Variants in CARF observed in about 807,000 individuals in gnomAD.
CARF encodes calcium responsive transcription factor, also known as calcium-responsive transcription factor.
In CARF, 57 loss-of-function variants were observed where a neutral mutation model predicts 82.0. That is an observed-to-expected ratio of 0.70 (90% CI 0.56 to 0.87). The LOEUF (loss-of-function observed/expected upper bound fraction) is 0.87, where lower values mean the gene tolerates loss of function less well. CARF is among the 40% of genes least tolerant of loss of function. The pLI is 0.00. For synonymous variants in CARF, 268 were observed against 290.1 expected (o/e 0.92, Z 0.77); for missense variants, 771 against 855.8 (o/e 0.90, Z 1.24).
At chr2:202,930,265 CT>C (rs1202729082) in intron 3 of CARF, among the ~76,000 whole-genome samples, 16 of 152,320 alleles carry the variant, frequency 1.1e-4, no homozygotes, top group African/African-American at 3.8e-4. Flanking sequence ...CCAGGCCTGT[CT>C]CAACTCCTGA....
chr2:202,924,994 C>T, intron 3 of CARF: 1 of 379,502 alleles, frequency 2.6e-6, no homozygotes, highest in Non-Finnish European at 5.1e-6. Flanking sequence ...GAACAAGATA[C>T]TGGAGACCAA....
chr2:202,927,754 C>T (rs1692126492), intron 3 of CARF, among the ~76,000 whole-genome samples: 3 of 151,302 alleles, frequency 2.0e-5, no homozygotes, highest in Non-Finnish European at 4.4e-5. Flanking sequence ...TATAGTCACC[C>T]TATAGTGCTA....
chr2:202,936,497 G>T, intron 3 of CARF, among the ~76,000 whole-genome samples: 1 of 151,998 alleles, frequency 6.6e-6, no homozygotes, highest in Non-Finnish European at 1.5e-5. Flanking sequence ...ACCTATTTTG[G>T]ATATTTTATG....
intron 14 of CARF, among the ~76,000 whole-genome samples, chr2:202,978,821 G>C (rs1381834181): frequency 6.6e-6 from 1 of 152,186 alleles, no homozygotes; most frequent in Non-Finnish European, 1.5e-5. Flanking sequence ...TATAGACCTA[G>C]GACTGTAAGC....
intron 3 of CARF, among the ~76,000 whole-genome samples, chr2:202,941,544 G>A (rs1036529810): frequency 6.6e-6 from 1 of 152,054 alleles, no homozygotes; most frequent in African/African-American, 2.4e-5. Context: ...CTGGTAATAT[G>A]AGAATTTTAG....
chr2:202,914,858 G>T (rs1452058296), intron 1 of CARF, among the ~76,000 whole-genome samples: 1 of 151,614 alleles, frequency 6.6e-6, no homozygotes, highest in African/African-American at 2.4e-5. Context: ...GAAATGGATT[G>T]CAGGGAAGCT....
intron 1 of CARF, among the ~76,000 whole-genome samples, chr2:202,916,259 C>A (rs1162025017): frequency 6.6e-6 from 1 of 152,066 alleles, no homozygotes; most frequent in South Asian, 2.1e-4. Flanking sequence ...TGGCTCCCTG[C>A]GACCTGTGCT....
chr2:202,982,145 C>T lies in CARF; in HGVS notation c.1763C>T (p.Ser588Phe). 2.5e-6 allele frequency: 4 copies of T among 1,614,126 alleles called. No individual in the cohort carries two copies. The highest frequency in any genetic ancestry group is 3.4e-6 in the Non-Finnish European group (4 of 1,179,992). Residue 588 changes from serine (S) to phenylalanine (F), a missense_variant, in exon 16 of 17, where the codon TCC becomes TTC. Transcript: ENST00000438828. ...GTGGTATCAGTAAATAACCAGCCGT[C>T]CTCTAGTCCTTCAGGACTTCTGGAT... ...PAVVSVNNQP[S>F]SSPSGLLDTI...
At chr2:202,952,531 T>A in intron 5 of CARF, 28 bp from the exon 6 acceptor site, 2 of 1,607,714 alleles carry the variant, frequency 1.2e-6, no homozygotes, top group East Asian at 2.2e-5. Context: ...GCATATGCAT[T>A]TGATTTTTTT....
In CARF at chr2:202,955,660, C is replaced by T. The variant is rs1334608213; in HGVS notation, c.558-14C>T. On this transcript the variant is annotated splice_polypyrimidine_tract_variant and intron_variant, in intron 7 of 16. Coordinates refer to ENST00000438828, the MANE Select transcript of CARF (RefSeq NM_024744.17). ...TTGAACTGCATATTTATATATATTC[C>T]TCTCCTATCCCAGAATGCTGGAAGA... 2 of 1,587,364 alleles carry T rather than the reference C, an allele frequency of 1.3e-6. No homozygotes were observed. Among genetic ancestry groups the T allele is most frequent in the East Asian group, 2.3e-5 (1 of 44,302 alleles).
chr2:202,987,225 A>G lies in CARF; in HGVS notation c.*3601A>G, dbSNP rs1006680731. On this transcript the variant is annotated 3_prime_UTR_variant, in exon 17 of 17. Transcript: ENST00000438828. ...TTTAAAACAATGTGTGTAATAAGTA[A>G]TTCTCCACGCCCACCCACCCCCAGC... 6.6e-6 allele frequency among the ~76,000 whole-genome samples: 1 copy of G among 151,798 alleles called. No homozygotes were observed. Among genetic ancestry groups the G allele is most frequent in the African/African-American group, 2.4e-5 (1 of 41,330 alleles).
chr2:202,942,894 T>G lies in CARF; in HGVS notation c.233T>G (p.Phe78Cys). Residue 78 changes from phenylalanine to cysteine, a missense_variant, in exon 5 of 17, where the codon TTC (phenylalanine) becomes TGC (cysteine). By Grantham distance (205) the Phe-to-Cys change is radical. Coordinates refer to ENST00000438828, the MANE Select transcript of CARF (RefSeq NM_024744.17). The stretch of plus-strand genomic sequence containing the variant: ...ACACAGACTCTTTCTGCAGAGCAAT[T>G]CCATCTAGTGGACCAAAATGGGCAG... ...TQTQTLSAEQ[F>C]HLVDQNGQAI... The G allele has an allele frequency of 1.9e-6, 3 of 1,614,102 alleles. No individual in the cohort carries two copies. Among genetic ancestry groups the G allele is most frequent in the Non-Finnish European group, 2.5e-6 (3 of 1,180,000 alleles).
chr2:202,964,857 C>A (rs936191318), intron 9 of CARF, among the ~76,000 whole-genome samples: 2 of 136,668 alleles, frequency 1.5e-5, no homozygotes, highest in South Asian at 2.3e-4. Flanking sequence ...GATAAGGACT[C>A]CTTATATATA....
intron 10 of CARF, among the ~76,000 whole-genome samples, chr2:202,968,069 C>G (rs1417787000): frequency 2.0e-5 from 3 of 152,064 alleles, no homozygotes; most frequent in African/African-American, 7.2e-5. Context: ...CTTAGTTGAT[C>G]TTTGAAACAC....
At chr2:202,941,823 A>G (rs1033523996) in intron 3 of CARF, 37 bp from the exon 4 acceptor site, 6 of 1,066,120 alleles carry the variant, frequency 5.6e-6, no homozygotes, top group African/African-American at 1.6e-5. Flanking sequence ...CAAAAATACT[A>G]AGTGCTTTAG....
intron 10 of CARF, among the ~76,000 whole-genome samples, chr2:202,967,669 T>C (rs545405131): frequency 1.1e-3 from 163 of 152,368 alleles, no homozygotes; most frequent in Non-Finnish European, 2.0e-3. Flanking sequence ...ATTAGTATTA[T>C]ACAAAGCTGC....
Position 202,982,445 on chromosome 2 carries a change from AG to A in CARF, c.2059+5del. 2 of 1,613,460 alleles carry A rather than the reference AG, an allele frequency of 1.2e-6. No individual in the cohort carries two copies. The highest frequency in any genetic ancestry group is 1.7e-6 in the Non-Finnish European group (2 of 1,179,818). The stretch of plus-strand genomic sequence containing the variant: ...ATAGACAACCACTCAGCTCTTAGTA[AG>A]TTGAAATCAATTTATGATGTTATTG... On this transcript the variant is annotated splice_donor_5th_base_variant and intron_variant, in intron 16 of 16. Transcript: ENST00000438828.
chr2:202,941,927 A>T lies in CARF; in HGVS notation c.25A>T (p.Arg9Ter), dbSNP rs772545369. The change falls in exon 4 of 17, where the codon AGA (arginine) becomes TGA (stop). Residue 9 changes from arginine to a stop codon, truncating the protein, a stop_gained. Transcript: ENST00000438828. LOFTEE classifies it high-confidence loss of function. The stretch of plus-strand genomic sequence containing the variant: ...CATGGAACAATCTAATGATTCATTA[A>T]GAGTCAACCATAATGACGGTGAAGA... Reference protein sequence around the residue: MEQSNDSLRVNHNDGEESK... With the variant: MEQSNDSL 14 of 1,613,186 alleles carry T rather than the reference A, an allele frequency of 8.7e-6. No individual in the cohort carries two copies. Among genetic ancestry groups the T allele is most frequent in the Non-Finnish European group, 1.1e-5 (13 of 1,179,292 alleles).
chr2:202,980,631 T>TATATATAG, intron 14 of CARF, among the ~76,000 whole-genome samples: 1 of 55,252 alleles, frequency 1.8e-5, no homozygotes, highest in Non-Finnish European at 4.5e-5. Context: ...TATATATATA[T>TATATATAG]ATATATATAT....
Sources: allele counts gnomAD v4.1 joint callset (sites outside exome capture counted in the v4.1 genomes callset), GRCh38; gene constraint gnomAD v4.1.1; transcripts MANE v1.5; gene names NCBI Gene and HGNC (gene_info 2026-07-23, HGNC 2026-07-21).